PCDH15: variants seen among roughly 807,000 people sequenced by gnomAD.
The protein encoded by PCDH15 is protocadherin related 15.
In PCDH15, 129 loss-of-function variants were observed where a neutral mutation model predicts 178.5. The ratio of observed to expected loss-of-function variants is 0.72; its 90% CI spans 0.63 to 0.84. PCDH15 has a LOEUF of 0.84. Ranked by LOEUF, PCDH15 falls within the 40% of genes least tolerant of loss-of-function variation. PCDH15 has a pLI of 0.00. For missense variants in PCDH15, 2,230 were observed against 2,099.9 expected, an observed-to-expected ratio of 1.06 and a Z score of -1.21; for synonymous variants, 800 against 732.0, an observed-to-expected ratio of 1.09 and a Z score of -1.50.
chr10:54,199,289 GA>G (rs1052538246), intron 10 of PCDH15, among the ~76,000 whole-genome samples: 86 of 152,036 alleles, frequency 5.7e-4, no homozygotes, highest in African/African-American at 2.0e-3. Context: ...GTCCAGATGT[GA>G]AAATGTGTAT....
intron 2 of PCDH15, among the ~76,000 whole-genome samples, chr10:55,410,483 A>G (rs563171235): frequency 1.7e-4 from 26 of 152,188 alleles, no homozygotes; most frequent in Non-Finnish European, 2.8e-4. Flanking sequence ...TGTAAATTCT[A>G]TCCGTAATCA....
chr10:55,270,837 A>G (rs1842425538), intron 1 of PCDH15, among the ~76,000 whole-genome samples: 1 of 151,704 alleles, frequency 6.6e-6, no homozygotes, highest in African/African-American at 2.4e-5. Flanking sequence ...CCATGCACTC[A>G]CATGTTCATT....
chr10:55,491,510 G>A (rs1352739175), intron 2 of PCDH15, among the ~76,000 whole-genome samples: 2 of 151,584 alleles, frequency 1.3e-5, no homozygotes, highest in Non-Finnish European at 2.9e-5. Context: ...CCTAGTTAGT[G>A]GGGAGTAATT....
chr10:54,632,013 A>T (rs1185147191), intron 2 of PCDH15, among the ~76,000 whole-genome samples: 1 of 152,154 alleles, frequency 6.6e-6, no homozygotes, highest in Non-Finnish European at 1.5e-5. Context: ...GCCAAACCTT[A>T]TCATCAAGAC....
intron 2 of PCDH15, among the ~76,000 whole-genome samples, chr10:55,581,749 A>T (rs1343594468): frequency 6.6e-6 from 1 of 152,198 alleles, no homozygotes; most frequent in Admixed American, 6.5e-5. Flanking sequence ...CTTCTGCATA[A>T]AAAGACTGAA....
Position 55,329,326 on chromosome 10 carries a change from G to C in PCDH15, c.-155-162675C>G, listed in dbSNP as rs142758311. Among the ~76,000 whole-genome samples the C allele has an allele frequency of 8.2e-4, 124 of 151,578 alleles. 1 individual carries two copies. The highest frequency in any genetic ancestry group is 1.4e-3 in the Non-Finnish European group (97 of 67,678). On this transcript the variant is annotated intron_variant, in intron 2 of 5. Transcript: ENST00000613346. ...TGTATTGTGAGTACATTGTTACTCTGAGAGCTAGCAAAATATGTATTCTTG... is the reference window on the plus strand; with the variant it reads ...TGTATTGTGAGTACATTGTTACTCTCAGAGCTAGCAAAATATGTATTCTTG...
chr10:55,061,706 A>G (rs947842222), intron 2 of PCDH15, among the ~76,000 whole-genome samples: 1 of 152,192 alleles, frequency 6.6e-6, no homozygotes, highest in Non-Finnish European at 1.5e-5. Flanking sequence ...AATGGAATAT[A>G]TTACTCAGGG....
At chr10:54,773,458 T>G (rs1040093708) in intron 1 of PCDH15, among the ~76,000 whole-genome samples, 1 of 152,232 alleles carries the variant, frequency 6.6e-6, no homozygotes, top group Non-Finnish European at 1.5e-5. Context: ...CTAGCATTGA[T>G]GTCATTGAGA....
intron 2 of PCDH15, among the ~76,000 whole-genome samples, chr10:55,451,452 C>G (rs1589039624): frequency 6.6e-6 from 1 of 151,564 alleles, no homozygotes; most frequent in Non-Finnish European, 1.5e-5. Flanking sequence ...GAGCCGAGAT[C>G]GCACCACTGC....
intron 3 of PCDH15, among the ~76,000 whole-genome samples, chr10:54,421,697 C>T (rs866318026): frequency 0.092 from 9,038 of 98,352 alleles, 708 homozygotes; most frequent in African/African-American, 0.16. Context: ...TATATATACA[C>T]ACACACACAC....
chr10:55,456,005 G>A (rs1839543079), intron 2 of PCDH15, among the ~76,000 whole-genome samples: 1 of 152,054 alleles, frequency 6.6e-6, no homozygotes, highest in South Asian at 2.1e-4. Context: ...TATTATAACA[G>A]TTTCAACCAA....
chr10:54,367,208 G>A (rs1175320433), intron 5 of PCDH15, among the ~76,000 whole-genome samples: 1 of 152,066 alleles, frequency 6.6e-6, no homozygotes, highest in Non-Finnish European at 1.5e-5. Context: ...GGCATTATCA[G>A]GGAGAATTTG....
intron 26 of PCDH15, among the ~76,000 whole-genome samples, chr10:53,899,114 C>T (rs1461585507): frequency 7.1e-6 from 1 of 141,350 alleles, no homozygotes; most frequent in Non-Finnish European, 1.5e-5. Flanking sequence ...TTAATTATAA[C>T]ATATGTTTTT....
rs115252285 is a variant in PCDH15 at position 54,053,372 on chromosome 10, G to C, written c.2220+13385C>G. 5.6e-3 allele frequency among the ~76,000 whole-genome samples: 846 copies of C among 152,186 alleles called. 7 individuals are homozygous for C. Among genetic ancestry groups the C allele is most frequent in the African/African-American group, 0.019 (807 of 41,510 alleles). ...CATTTCATGTATGTACATACATTAT[G>C]CAAGGGCTAAGCCAAGCGTTGGGCT... On this transcript the variant is annotated intron_variant, in intron 18 of 37. Coordinates refer to ENST00000644397, the MANE Select transcript of PCDH15 (RefSeq NM_001384140.1).
intron 2 of PCDH15, among the ~76,000 whole-genome samples, chr10:54,930,194 A>G (rs1220043299): frequency 6.6e-6 from 1 of 152,264 alleles, no homozygotes; most frequent in African/African-American, 2.4e-5. Context: ...TAAAAAATCC[A>G]TTTGCATAAT....
At chr10:55,491,150 G>T (rs1234066623) in intron 2 of PCDH15, among the ~76,000 whole-genome samples, 1 of 151,658 alleles carries the variant, frequency 6.6e-6, no homozygotes, top group East Asian at 2.0e-4. Context: ...ATCTGTTTTG[G>T]AAGTTCTACC....
At chr10:54,713,226 T>C (rs112968600) in intron 1 of PCDH15, among the ~76,000 whole-genome samples, 4,321 of 151,500 alleles carry the variant, frequency 0.029, 173 homozygotes, top group African/African-American at 0.083. Flanking sequence ...CACACACACA[T>C]ACACACACAC....
intron 7 of PCDH15, among the ~76,000 whole-genome samples, chr10:54,320,689 T>C (rs1271615463): frequency 6.6e-6 from 1 of 151,996 alleles, no homozygotes; most frequent in Non-Finnish European, 1.5e-5. Context: ...AGACAAATGA[T>C]GTAATGATTT....
intron 2 of PCDH15, among the ~76,000 whole-genome samples, chr10:54,567,848 C>A (rs927063265): frequency 6.6e-6 from 1 of 152,168 alleles, no homozygotes; most frequent in African/African-American, 2.4e-5. Context: ...CACAGAGTTA[C>A]ATCATAGAAG....
Sources: allele counts gnomAD v4.1 joint callset (sites outside exome capture counted in the v4.1 genomes callset), GRCh38; gene constraint gnomAD v4.1.1; transcripts MANE v1.5; gene names NCBI Gene and HGNC (gene_info 2026-07-23, HGNC 2026-07-21).